DPH6: variants seen among roughly 807,000 people sequenced by gnomAD.
DPH6 encodes the protein diphthamine biosynthesis 6, also known as diphthine--ammonia ligase.
Under a neutral mutation model 38.2 loss-of-function variants are expected in DPH6, and 33 were observed. The observed-to-expected ratio is 0.86, with a 90% CI of 0.65 to 1.15. The LOEUF is 1.15. Ranked by LOEUF, DPH6 falls within the 50% of genes most tolerant of loss-of-function variation. DPH6 has a pLI of 0.00. For synonymous variants in DPH6, 108 were observed against 103.0 expected (o/e 1.05, Z -0.30); for missense variants, 325 against 320.0 (o/e 1.02, Z -0.12).
At chr15:35,232,736 A>G (rs1193328703) in intron 3 of DPH6, among the ~76,000 whole-genome samples, 2 of 152,258 alleles carry the variant, frequency 1.3e-5, no homozygotes, top group Non-Finnish European at 2.9e-5. Flanking sequence ...AAAAAGATTG[A>G]TAGGTTCTAG....
chr15:35,227,733 T>C (rs1232075111), intron 3 of DPH6, among the ~76,000 whole-genome samples: 5 of 152,030 alleles, frequency 3.3e-5, no homozygotes, highest in African/African-American at 4.8e-5. Flanking sequence ...ATTTGGTTTT[T>C]CATCTTTTTT....
intron 5 of DPH6, among the ~76,000 whole-genome samples, chr15:35,447,052 G>A (rs544271101): frequency 6.6e-6 from 1 of 152,094 alleles, no homozygotes. Context: ...TGTATTTTCA[G>A]TAGAGATGGG....
chr15:35,251,669 T>C (rs1034932762), intron 3 of DPH6, among the ~76,000 whole-genome samples: 6 of 152,254 alleles, frequency 3.9e-5, no homozygotes, highest in African/African-American at 1.4e-4. Context: ...ACTTATTAGC[T>C]GACATGTCTG....
the DPH6 span, among the ~76,000 whole-genome samples, chr15:35,210,755 A>G: frequency 1.3e-5 from 2 of 152,116 alleles, no homozygotes; most frequent in Non-Finnish European, 2.9e-5. Context: ...TAGGACTAGG[A>G]GAAAGATCTT....
intron 3 of DPH6, among the ~76,000 whole-genome samples, chr15:35,262,273 T>G (rs1402272093): frequency 6.6e-6 from 1 of 152,194 alleles, no homozygotes; most frequent in Non-Finnish European, 1.5e-5. Context: ...TCAGGAAATC[T>G]CCAATGAGCT....
chr15:35,372,327 G>A (rs1002213759), intron 8 of DPH6, 124 bp from the exon 9 acceptor site: 1 of 820,912 alleles, frequency 1.2e-6, no homozygotes, highest in African/African-American at 1.8e-5. Flanking sequence ...GCCTATTTCA[G>A]GTAACAGTAT....
intron 3 of DPH6, among the ~76,000 whole-genome samples, chr15:35,531,616 G>A (rs1054944964): frequency 6.6e-6 from 1 of 151,992 alleles, no homozygotes; most frequent in African/African-American, 2.4e-5. Flanking sequence ...TGGGATTACA[G>A]GCACGCACCA....
intron 6 of DPH6, among the ~76,000 whole-genome samples, chr15:35,385,394 A>G (rs1595518828): frequency 6.6e-6 from 1 of 152,342 alleles, no homozygotes; most frequent in East Asian, 1.9e-4. Context: ...TAGACTGGAT[A>G]AAGAAAATGT....
chr15:35,352,742 C>T (rs1028287496), intron 3 of DPH6, among the ~76,000 whole-genome samples: 5 of 152,160 alleles, frequency 3.3e-5, no homozygotes, highest in African/African-American at 4.8e-5. Flanking sequence ...AATAAACATA[C>T]GTGTGCATGT....
intron 6 of DPH6, among the ~76,000 whole-genome samples, chr15:35,409,483 G>C (rs900648671): frequency 6.6e-6 from 1 of 151,916 alleles, no homozygotes; most frequent in Non-Finnish European, 1.5e-5. Flanking sequence ...AATCAACATC[G>C]TGGTGCTTCT....
chr15:35,232,352 C>T (rs755814671), intron 3 of DPH6, among the ~76,000 whole-genome samples: 10 of 151,972 alleles, frequency 6.6e-5, no homozygotes, highest in African/African-American at 1.7e-4. Context: ...GAGGCCAAGG[C>T]GGGTGGATCA....
intron 3 of DPH6, chr15:35,298,717 C>T (rs1392364194): frequency 1.3e-6 from 2 of 1,582,654 alleles, no homozygotes; most frequent in Non-Finnish European, 1.7e-6. Flanking sequence ...GGAAGCCGTA[C>T]TTCTGTATGA....
intron 5 of DPH6, among the ~76,000 whole-genome samples, chr15:35,444,006 G>A (rs1265147175): frequency 1.3e-5 from 2 of 152,084 alleles, no homozygotes; most frequent in African/African-American, 4.8e-5. Context: ...AACAAATAAG[G>A]TAGAGTTCCA....
intron 3 of DPH6, among the ~76,000 whole-genome samples, chr15:35,525,544 A>C (rs1016997536): frequency 1.3e-5 from 2 of 152,142 alleles, no homozygotes; most frequent in South Asian, 4.1e-4. Flanking sequence ...AGTATTCATG[A>C]ATACTCCCAG....
At chr15:35,155,574 C>T in the DPH6 span, among the ~76,000 whole-genome samples, 2 of 152,204 alleles carry the variant, frequency 1.3e-5, no homozygotes, top group African/African-American at 4.8e-5. Flanking sequence ...AGGGAGACTA[C>T]GCATCTCCAG....
At chr15:35,213,835 G>A (rs140055650), downstream of DPH6, among the ~76,000 whole-genome samples, 4,671 of 152,256 alleles carry the variant, frequency 0.031, 248 homozygotes, top group African/African-American at 0.11. Flanking sequence ...AGAAGAGGCC[G>A]GGCGCGGTGG....
At chr15:35,266,973 A>C (rs1325410609) in intron 3 of DPH6, among the ~76,000 whole-genome samples, 1 of 152,148 alleles carries the variant, frequency 6.6e-6, no homozygotes, top group Non-Finnish European at 1.5e-5. Flanking sequence ...AATTCATAGA[A>C]ATTTGGAGGC....
chr15:35,430,552 G>T (rs1443655696), intron 5 of DPH6, among the ~76,000 whole-genome samples: 2 of 150,468 alleles, frequency 1.3e-5, no homozygotes, highest in Non-Finnish European at 3.0e-5. Context: ...AAAAAAAAAT[G>T]AAATAAAACC....
chr15:35,455,527 T>A (rs1429202573), intron 3 of DPH6, among the ~76,000 whole-genome samples: 8 of 152,078 alleles, frequency 5.3e-5, no homozygotes. Context: ...AAAGCTAGAA[T>A]GGATTAAAAA....
Sources: allele counts gnomAD v4.1 joint callset (sites outside exome capture counted in the v4.1 genomes callset), GRCh38; gene constraint gnomAD v4.1.1; transcripts MANE v1.5; gene names NCBI Gene and HGNC (gene_info 2026-07-23, HGNC 2026-07-21).